PIGL: variants seen among roughly 807,000 people sequenced by gnomAD.
PIGL encodes the protein phosphatidylinositol glycan anchor biosynthesis class L, also known as N-acetylglucosaminyl-phosphatidylinositol de-N-acetylase.
PIGL carries 22 observed loss-of-function variants against 31.1 expected under a neutral mutation model. The ratio of observed to expected loss-of-function variants is 0.71; its 90% CI spans 0.51 to 1.01. PIGL has a LOEUF of 1.01. Among genes scored for constraint, PIGL ranks in the 50% least tolerant of loss-of-function variants. PIGL has a pLI of 0.00. For missense variants in PIGL, 302 were observed against 315.9 expected (o/e 0.96, Z 0.33); for synonymous variants, 131 against 117.4 (o/e 1.12, Z -0.75).
intron 2 of PIGL, among the ~76,000 whole-genome samples, chr17:16,280,771 T>A (rs775245298): frequency 6.6e-6 from 1 of 152,222 alleles, no homozygotes; most frequent in Non-Finnish European, 1.5e-5. Context: ...AGTGGCACGA[T>A]CTTGGCTCAC....
chr17:16,247,170 A>T (rs2092752225), intron 2 of PIGL, among the ~76,000 whole-genome samples: 1 of 152,076 alleles, frequency 6.6e-6, no homozygotes, highest in Non-Finnish European at 1.5e-5. Context: ...ACCTCATGTG[A>T]TCTTAGTTAC....
chr17:16,292,750 TG>T (rs1451396369), intron 2 of PIGL, among the ~76,000 whole-genome samples: 1 of 152,204 alleles, frequency 6.6e-6, no homozygotes, highest in Non-Finnish European at 1.5e-5. Flanking sequence ...GGATGCTATC[TG>T]GGACCGTGTG....
intron 2 of PIGL, among the ~76,000 whole-genome samples, chr17:16,271,148 A>G (rs1468704532): frequency 6.6e-6 from 1 of 152,194 alleles, no homozygotes; most frequent in Non-Finnish European, 1.5e-5. Context: ...CTAGACTCAA[A>G]AATAGAATTA....
chr17:16,251,941 A>G lies in PIGL; in HGVS notation c.335+17871A>G, dbSNP rs2092773571. On this transcript the variant is annotated intron_variant, in intron 2 of 6. Coordinates refer to ENST00000225609, the MANE Select transcript of PIGL (RefSeq NM_004278.4). ...TATGTGATTGAGAAATGCAGCCAAC[A>G]GATTTGGTATTCATTTGTTGCTTTT... Among the ~76,000 whole-genome samples, 5 of 152,174 alleles carry G rather than the reference A, an allele frequency of 3.3e-5. No homozygotes were observed. In the South Asian group the frequency reaches 1.0e-3, roughly 32 times the overall value.
chr17:16,219,254 G>C (rs1033115462), intron 1 of PIGL, among the ~76,000 whole-genome samples: 14 of 151,454 alleles, frequency 9.2e-5, no homozygotes, highest in Non-Finnish European at 1.5e-4. Context: ...TAGAGACGGG[G>C]TTTCACTGTG....
intron 1 of PIGL, among the ~76,000 whole-genome samples, chr17:16,229,170 G>A (rs988029356): frequency 1.5e-4 from 23 of 152,050 alleles, no homozygotes; most frequent in African/African-American, 5.6e-4. Flanking sequence ...CCAGCTACTT[G>A]GGAGGCTGAA....
At chr17:16,299,657 C>T (rs1455336307) in intron 2 of PIGL, among the ~76,000 whole-genome samples, 1 of 152,154 alleles carries the variant, frequency 6.6e-6, no homozygotes, top group Non-Finnish European at 1.5e-5. Flanking sequence ...TTGTTTCTTA[C>T]CCTCAGCAAC....
intron 6 of PIGL, among the ~76,000 whole-genome samples, chr17:16,322,273 T>A (rs970201216): frequency 2.0e-5 from 3 of 151,968 alleles, no homozygotes; most frequent in Non-Finnish European, 2.9e-5. Flanking sequence ...TTTGTATTTT[T>A]AGTAGAGACT....
At chr17:16,263,165 A>ACTAAAAAATTGAATTGTACAGTTT (rs1170430226) in intron 2 of PIGL, among the ~76,000 whole-genome samples, 1 of 151,792 alleles carries the variant, frequency 6.6e-6, no homozygotes, top group African/African-American at 2.4e-5. Context: ...CTGTGAACTT[A>ACTAAAAAATTGAATTGTACAGTTT]CTAAAAAATT....
intron 2 of PIGL, among the ~76,000 whole-genome samples, chr17:16,244,441 G>A (rs1362588094): frequency 5.9e-5 from 9 of 152,196 alleles, no homozygotes; most frequent in African/African-American, 2.2e-4. Flanking sequence ...TTCAATATTA[G>A]TAATCGTGTT....
chr17:16,306,555 T>G (rs2093027371), intron 3 of PIGL, among the ~76,000 whole-genome samples: 1 of 138,448 alleles, frequency 7.2e-6, no homozygotes, highest in African/African-American at 2.7e-5. Context: ...TGAGATAGAG[T>G]TTCCCTCTTG....
intron 2 of PIGL, among the ~76,000 whole-genome samples, chr17:16,281,512 GC>G (rs1327057524): frequency 2.0e-5 from 3 of 152,168 alleles, no homozygotes; most frequent in Non-Finnish European, 4.4e-5. Flanking sequence ...CTATCTTCTG[GC>G]CAGCACTGCA....
intron 2 of PIGL, among the ~76,000 whole-genome samples, chr17:16,245,243 G>A (rs909391308): frequency 3.3e-5 from 5 of 151,010 alleles, no homozygotes; most frequent in Admixed American, 3.3e-4. Flanking sequence ...CACCCGCCTC[G>A]GCCTCTCAAG....
chr17:16,324,130 AT>A (rs746216623), intron 6 of PIGL, among the ~76,000 whole-genome samples: 725 of 129,356 alleles, frequency 5.6e-3, no homozygotes, highest in Non-Finnish European at 7.5e-3. Flanking sequence ...CTAATTTTGG[AT>A]TTTTTTTTTT....
chr17:16,325,951 G>T lies in PIGL; in HGVS notation c.*53G>T. On this transcript the variant is annotated 3_prime_UTR_variant, in exon 7 of 7. Transcript: ENST00000225609. The stretch of plus-strand genomic sequence containing the variant: ...AACAAAGGGGAAAATAGACAAAGGA[G>T]TGCAGAGGACCTGGCCTGGCACTGG... The T allele has an allele frequency of 7.7e-7, 1 of 1,295,114 alleles. No homozygotes were observed. Among genetic ancestry groups the T allele is most frequent in the Non-Finnish European group, 1.1e-6 (1 of 890,492 alleles). The allele number at this position is 1,295,114 out of a possible 1,614,324, so 80.2% of individuals were successfully genotyped here.
intron 2 of PIGL, among the ~76,000 whole-genome samples, chr17:16,287,904 A>AC (rs1249619998): frequency 6.6e-6 from 1 of 152,206 alleles, no homozygotes; most frequent in Non-Finnish European, 1.5e-5. Context: ...GCCTGAGCTG[A>AC]CGTTGGCCTT....
chr17:16,317,061 G>T lies in PIGL; in HGVS notation c.526+349G>T, dbSNP rs142639849. The T allele has an allele frequency of 1.6e-5, 18 of 1,092,642 alleles. 1 individual carries two copies. In the African/African-American group the frequency reaches 2.4e-4, roughly 15 times the overall value. The allele number at this position is 1,092,642 out of a possible 1,614,324, so 67.7% of individuals were successfully genotyped here. ...GGTTGTAAATGACTGCTGGGTGCTT[G>T]ATGAACCAATCTGCCTGAGTTAGGA... is the stretch of plus-strand genomic sequence containing the variant. On this transcript the variant is annotated intron_variant, in intron 5 of 6. Coordinates refer to ENST00000225609, the MANE Select transcript of PIGL (RefSeq NM_004278.4).
intron 2 of PIGL, among the ~76,000 whole-genome samples, chr17:16,278,022 C>A (rs985884765): frequency 4.0e-5 from 6 of 151,782 alleles, no homozygotes; most frequent in African/African-American, 1.5e-4. Flanking sequence ...CAAACTTCAC[C>A]ATTGAATTAG....
chr17:16,274,245 C>T (rs184899995), intron 2 of PIGL, among the ~76,000 whole-genome samples: 131 of 152,164 alleles, frequency 8.6e-4, no homozygotes, highest in African/African-American at 3.1e-3. Context: ...TGAAACCAGA[C>T]GTGAGAAGGT....
Sources: allele counts gnomAD v4.1 joint callset (sites outside exome capture counted in the v4.1 genomes callset), GRCh38; gene constraint gnomAD v4.1.1; transcripts MANE v1.5; gene names NCBI Gene and HGNC (gene_info 2026-07-23, HGNC 2026-07-21).